Variants in FADS6 observed in about 807,000 individuals in gnomAD.
FADS6 encodes fatty acid desaturase 6, also known as fatty acid desaturase domain family, member 6.
In FADS6, 28 loss-of-function variants were observed where a neutral mutation model predicts 31.7. The ratio of observed to expected loss-of-function variants is 0.88; its 90% CI spans 0.66 to 1.21. The LOEUF (loss-of-function observed/expected upper bound fraction) is 1.21, where lower values mean the gene tolerates loss of function less well. Among genes scored for constraint, FADS6 ranks in the 50% most tolerant of loss-of-function variants. The pLI is 0.00. For synonymous variants in FADS6, 191 were observed against 213.1 expected, an observed-to-expected ratio of 0.90 and a Z score of 0.90; for missense variants, 494 against 504.2, an observed-to-expected ratio of 0.98 and a Z score of 0.19.
chr17:74,881,349 G>A (rs7218280), intron 3 of FADS6, 94 bp from the exon 4 acceptor site: 55,095 of 1,225,974 alleles, frequency 0.045, 1,775 homozygotes, highest in African/African-American at 0.14. Context: ...GAGGCCAGGC[G>A]TGTTCAATTC....
In FADS6 at chr17:74,881,322, G is replaced by T. The variant is rs763290431; in HGVS notation, c.593-67C>A. Reference sequence around the variant, plus strand: ...GGAGGGGCTCCCTGCTGGCTCAAGCGTGCTAAAGCAGTGGCGGAGGCCAGG... The same window carrying T: ...GGAGGGGCTCCCTGCTGGCTCAAGCTTGCTAAAGCAGTGGCGGAGGCCAGG... On this transcript the variant is annotated intron_variant, in intron 3 of 5. Coordinates refer to ENST00000612771, the MANE Select transcript of FADS6 (RefSeq NM_178128.6). 32 of 1,452,918 alleles carry T rather than the reference G, an allele frequency of 2.2e-5. No homozygotes were observed. In the Admixed American group the frequency reaches 2.4e-4, roughly 11 times the overall value. 90.0% of individuals were successfully genotyped at this position (1,452,918 alleles called of 1,614,324 possible). A position where few individuals can be genotyped will look rare whatever the true frequency, so the allele number is the denominator to read the frequency against.
chr17:74,889,012 G>A (rs958573761), intron 2 of FADS6, among the ~76,000 whole-genome samples: 7 of 152,194 alleles, frequency 4.6e-5, no homozygotes, highest in African/African-American at 1.4e-4. Context: ...GTCAGGGTTA[G>A]GCTACCAGGA....
In FADS6 at chr17:74,889,870, CAAAAAAAAA is replaced by C. The variant is rs59381032; in HGVS notation, c.411+2644_411+2652del. Among the ~76,000 whole-genome samples, 26 of 53,528 alleles carry C rather than the reference CAAAAAAAAA, an allele frequency of 4.9e-4. No individual in the cohort carries two copies. In the South Asian group the frequency reaches 7.9e-3, roughly 16 times the overall value. The allele number at this position is 53,528 out of a possible 152,430, so 35.1% of individuals were successfully genotyped here. A position where few individuals can be genotyped will look rare whatever the true frequency, so the allele number is the denominator to read the frequency against. ...TGGGCAACAGAGTGAGACTCAGTCT[CAAAAAAAAA>C]AAAAAAAAAAAAAAAAGACAAAGCA... is the stretch of plus-strand genomic sequence containing the variant. On this transcript the variant is annotated intron_variant, in intron 2 of 5. Transcript: ENST00000612771.
At chr17:74,884,705 G>A (rs1346873968) in intron 2 of FADS6, among the ~76,000 whole-genome samples, 1 of 89,308 alleles carries the variant, frequency 1.1e-5, no homozygotes, top group African/African-American at 5.8e-5. Context: ...ACTTTTCAAT[G>A]ACCAGATCCT....
At chr17:74,875,227 G>A, downstream of FADS6, among the ~76,000 whole-genome samples, 1 of 152,136 alleles carries the variant, frequency 6.6e-6, no homozygotes, top group East Asian at 1.9e-4. Context: ...TGTAACATTT[G>A]GGGGAAATAT....
intron 4 of FADS6, 66 bp from the exon 5 acceptor site, chr17:74,879,649 G>A (rs576094963): frequency 1.4e-5 from 21 of 1,513,760 alleles, no homozygotes; most frequent in Non-Finnish European, 1.7e-5. Flanking sequence ...GGTGTCCTGG[G>A]ACCTCATGCT....
intron 2 of FADS6, among the ~76,000 whole-genome samples, chr17:74,883,718 G>C (rs2038596724): frequency 6.6e-6 from 1 of 152,162 alleles, no homozygotes; most frequent in Non-Finnish European, 1.5e-5. Context: ...CTTGAGTGCA[G>C]TGGTGAACCT....
At position 74,878,397 on chromosome 17, in the gene FADS6, C is replaced by G; in HGVS notation, c.1041G>C (p.Leu347=). ...TGAATTCCTCATAGCGACGGAGAAA[C>G]AGCTGGAAGCGAGCCAGGTATGAGT... The part of the protein sequence containing the change: ...NEDSYLARFQ[L]FLRRYEEFMV... Residue 347 remains leucine (L), a synonymous_variant, in exon 6 of 6, where the codon CTG becomes CTC. Transcript: ENST00000612771. 8 of 1,614,038 alleles carry G rather than the reference C, an allele frequency of 5.0e-6. No homozygotes were observed. Among genetic ancestry groups the G allele is most frequent in the Non-Finnish European group, 6.8e-6 (8 of 1,179,888 alleles).
At chr17:74,886,728 C>T (rs554068801) in intron 2 of FADS6, among the ~76,000 whole-genome samples, 12 of 152,194 alleles carry the variant, frequency 7.9e-5, no homozygotes, top group Non-Finnish European at 1.5e-4. Flanking sequence ...GCCTGCCATA[C>T]GCCCCCTTTC....
chr17:74,878,601 C>A (rs1397779707), intron 5 of FADS6, 124 bp from the exon 6 acceptor site: 9 of 1,219,288 alleles, frequency 7.4e-6, no homozygotes, highest in Non-Finnish European at 9.1e-6. Context: ...TTCCAAGATT[C>A]TCCGGAGGAG....
intron 5 of FADS6, among the ~76,000 whole-genome samples, 172 bp from the exon 6 acceptor site, chr17:74,878,649 C>T (rs1270431641): frequency 6.6e-6 from 1 of 152,214 alleles, no homozygotes; most frequent in African/African-American, 2.4e-5. Context: ...GTCCCTAACC[C>T]TGCAGAAGAA....
In FADS6 at chr17:74,879,551, G is replaced by C. The variant is rs1937754702; in HGVS notation, c.813C>G (p.Asn271Lys). The change falls in exon 5 of 6, where the codon AAC becomes AAG. Residue 271 changes from asparagine to lysine, a missense_variant. By Grantham distance (94) the Asn-to-Lys change is moderately conservative. Transcript: ENST00000612771. ...TCATCATGTGAATCCGACGGGGCTT[G>C]TTGTCCCGGGAGAACATGGGCAGTC... Reference protein sequence around the residue: ...HIGLPMFSRDNKPRRIHMMSL... With the variant: ...HIGLPMFSRDKKPRRIHMMSL... 2 of 1,613,102 alleles carry C rather than the reference G, an allele frequency of 1.2e-6. No individual in the cohort carries two copies. Among genetic ancestry groups the C allele is most frequent in the Non-Finnish European group, 1.7e-6 (2 of 1,179,790 alleles).
intron 2 of FADS6, among the ~76,000 whole-genome samples, chr17:74,891,438 T>C (rs373394073): frequency 4.6e-5 from 7 of 152,218 alleles, no homozygotes; most frequent in East Asian, 3.9e-4. Flanking sequence ...ATGTCTCCCT[T>C]GCCTCTCTGT....
chr17:74,891,840 G>T (rs898971060), intron 2 of FADS6, among the ~76,000 whole-genome samples: 2 of 152,186 alleles, frequency 1.3e-5, no homozygotes, highest in African/African-American at 4.8e-5. Context: ...TTATTCATAA[G>T]GTGTGGCCAT....
intron 2 of FADS6, among the ~76,000 whole-genome samples, chr17:74,888,154 A>ACACGCG (rs1245891792): frequency 2.2e-5 from 3 of 134,738 alleles, no homozygotes; most frequent in African/African-American, 8.5e-5. Context: ...ACACACACAC[A>ACACGCG]CGCGCGCGCG....
chr17:74,876,411 C>A (rs1036667581), downstream of FADS6, among the ~76,000 whole-genome samples: 6 of 152,146 alleles, frequency 3.9e-5, no homozygotes, highest in African/African-American at 1.4e-4. Context: ...ACAACTTGAG[C>A]TCCCAGCATC....
chr17:74,893,606 G>C lies in FADS6; in HGVS notation c.-11C>G. 1 of 1,351,662 alleles carries C rather than the reference G, an allele frequency of 7.4e-7. No homozygotes were observed. The highest frequency in any genetic ancestry group is 9.6e-7 in the Non-Finnish European group (1 of 1,044,464). 83.7% of individuals were successfully genotyped at this position (1,351,662 alleles called of 1,614,324 possible). A position where few individuals can be genotyped will look rare whatever the true frequency, so the allele number is the denominator to read the frequency against. ...CTCCGTGGGTTCCATGGACTCTGTGGGCTCGGGCCCGACGCGCACGGAGGA... is the reference window on the plus strand; with the variant it reads ...CTCCGTGGGTTCCATGGACTCTGTGCGCTCGGGCCCGACGCGCACGGAGGA... On this transcript the variant is annotated 5_prime_UTR_variant, in exon 1 of 6. Coordinates refer to ENST00000612771, the MANE Select transcript of FADS6 (RefSeq NM_178128.6).
In FADS6 at chr17:74,890,529, C is replaced by T. The variant is rs113012639; in HGVS notation, c.411+1994G>A. Among the ~76,000 whole-genome samples, 53 of 152,294 alleles carry T rather than the reference C, an allele frequency of 3.5e-4. 1 individual carries two copies. The highest frequency in any genetic ancestry group is 1.3e-3 in the African/African-American group (52 of 41,562). ...AGGTGTCACGACATGAAGCGGGAGCCAAGCCTTTCCTCCCCAGCTTCGAGG... is the reference window on the plus strand; with the variant it reads ...AGGTGTCACGACATGAAGCGGGAGCTAAGCCTTTCCTCCCCAGCTTCGAGG... On this transcript the variant is annotated intron_variant, in intron 2 of 5. Transcript: ENST00000612771.
At chr17:74,879,228 G>A in intron 5 of FADS6, 176 bp downstream of exon 5, 4 of 734,428 alleles carry the variant, frequency 5.4e-6, no homozygotes, top group Non-Finnish European at 8.5e-6. Flanking sequence ...GTAGAGATGG[G>A]GTTTCACCAT....
Sources: gnomAD v4.1 joint callset for allele counts (sites outside exome capture counted in the v4.1 genomes callset) on GRCh38, gnomAD v4.1.1 for gene constraint, MANE v1.5 for transcripts, NCBI Gene and HGNC (gene_info 2026-07-23, HGNC 2026-07-21) for gene names.